TRMT11: variants seen among roughly 807,000 people sequenced by gnomAD.
TRMT11 encodes tRNA (guanine(10)-N(2))-methyltransferase TRMT11.
TRMT11 carries 53 observed loss-of-function variants against 62.8 expected under a neutral mutation model. The observed-to-expected ratio is 0.84, with a 90% CI of 0.68 to 1.06. TRMT11 has a LOEUF of 1.06. Among genes scored for constraint, TRMT11 ranks in the 50% least tolerant of loss-of-function variants. TRMT11 has a pLI of 0.00. For synonymous variants in TRMT11, 188 were observed against 190.3 expected, an observed-to-expected ratio of 0.99 and a Z score of 0.10; for missense variants, 556 against 553.4, an observed-to-expected ratio of 1.00 and a Z score of -0.05.
chr6:126,013,182 C>A, intron 11 of TRMT11, 81 bp downstream of exon 11: 1 of 1,298,170 alleles, frequency 7.7e-7, no homozygotes, highest in Non-Finnish European at 1.1e-6. Context: ...TTTATCTCTT[C>A]TTGCATTTGG....
chr6:126,025,122 T>C (rs1257625650), intron 12 of TRMT11, among the ~76,000 whole-genome samples: 3 of 152,216 alleles, frequency 2.0e-5, no homozygotes, highest in African/African-American at 7.2e-5. Flanking sequence ...TGGAGCCATA[T>C]AATAAATCAG....
chr6:126,103,671 C>A (rs966024285), intron 17 of TRMT11, among the ~76,000 whole-genome samples: 1 of 152,220 alleles, frequency 6.6e-6, no homozygotes, highest in Non-Finnish European at 1.5e-5. Flanking sequence ...CCTTTCTCAG[C>A]AATTATTGGC....
At chr6:126,217,262 A>T in the TRMT11 span, among the ~76,000 whole-genome samples, 2 of 152,158 alleles carry the variant, frequency 1.3e-5, no homozygotes, top group African/African-American at 2.4e-5. Context: ...TGGTGAGGTC[A>T]TGTTTTTCTG....
chr6:126,116,077 T>C (rs1159311803), intron 21 of TRMT11, among the ~76,000 whole-genome samples: 1 of 151,506 alleles, frequency 6.6e-6, no homozygotes, highest in Non-Finnish European at 1.5e-5. Context: ...ACTAAATTGC[T>C]ATATGGAAAC....
intron 21 of TRMT11, among the ~76,000 whole-genome samples, chr6:126,145,833 C>A (rs927230096): frequency 4.6e-5 from 7 of 152,016 alleles, no homozygotes; most frequent in African/African-American, 1.7e-4. Flanking sequence ...GTTTAAGCTC[C>A]TTTTTTATGT....
At chr6:125,998,718 G>A (rs1562243182) in intron 6 of TRMT11, 34 bp downstream of exon 6, 1 of 1,599,168 alleles carries the variant, frequency 6.3e-7, no homozygotes, top group Admixed American at 1.8e-5. Context: ...ATGTCAGTTT[G>A]TTTTTTTGAA....
At chr6:126,047,763 C>T (rs971786245) in intron 16 of TRMT11, among the ~76,000 whole-genome samples, 2 of 152,222 alleles carry the variant, frequency 1.3e-5, no homozygotes, top group African/African-American at 4.8e-5. Context: ...GCATGCTCCC[C>T]TTCCCGTAAG....
the TRMT11 span, among the ~76,000 whole-genome samples, chr6:126,247,944 T>G: frequency 2.0e-5 from 3 of 152,080 alleles, no homozygotes; most frequent in African/African-American, 7.2e-5. Context: ...AGACCACAGC[T>G]ATACAGAGGC....
chr6:126,209,314 T>C, the TRMT11 span, among the ~76,000 whole-genome samples: 13 of 152,160 alleles, frequency 8.5e-5, no homozygotes, highest in Non-Finnish European at 1.8e-4. Context: ...TTTCTAACTT[T>C]TATTATATTT....
the TRMT11 span, among the ~76,000 whole-genome samples, chr6:126,241,911 A>G: frequency 1.3e-5 from 2 of 152,216 alleles, no homozygotes; most frequent in South Asian, 4.1e-4. Flanking sequence ...CCTATTCAAT[A>G]TAGTGTTGGA....
the TRMT11 span, among the ~76,000 whole-genome samples, chr6:126,222,401 G>A: frequency 1.3e-5 from 2 of 151,760 alleles, no homozygotes; most frequent in Admixed American, 6.6e-5. Context: ...AGATTGCTTT[G>A]GGAAGTATGG....
chr6:126,044,604 A>C (rs1197409621), intron 16 of TRMT11, among the ~76,000 whole-genome samples: 1 of 152,064 alleles, frequency 6.6e-6, no homozygotes, highest in Non-Finnish European at 1.5e-5. Flanking sequence ...TGTGTTTTTG[A>C]GGATATTTGT....
intron 17 of TRMT11, among the ~76,000 whole-genome samples, chr6:126,066,055 G>A (rs1464269187): frequency 1.3e-5 from 2 of 152,220 alleles, no homozygotes; most frequent in African/African-American, 4.8e-5. Flanking sequence ...AGGCACTAGG[G>A]TTCAGACCCT....
chr6:126,073,792 T>C (rs980780222), intron 17 of TRMT11, among the ~76,000 whole-genome samples: 10 of 152,166 alleles, frequency 6.6e-5, no homozygotes, highest in Non-Finnish European at 4.4e-5. Flanking sequence ...AATAAAGACA[T>C]ACCCAAGACT....
At chr6:126,094,525 G>T (rs1777318587) in intron 17 of TRMT11, among the ~76,000 whole-genome samples, 1 of 152,146 alleles carries the variant, frequency 6.6e-6, no homozygotes, top group African/African-American at 2.4e-5. Flanking sequence ...CCTTTGGCTT[G>T]TTTCGTCAGA....
chr6:126,166,363 G>GT lies in TRMT11; in HGVS notation c.*1824-8454dup, dbSNP rs753358387. The stretch of plus-strand genomic sequence containing the variant: ...GCTGATGTTGATGCTATTCCTTTCT[G>GT]TTTTTTTTCCTTCTAATAGTCAGGG... On this transcript the variant is annotated intron_variant and NMD_transcript_variant, in intron 21 of 22. Transcript: ENST00000648977. Among the ~76,000 whole-genome samples the GT allele has an allele frequency of 6.6e-4, 101 of 151,974 alleles. 1 individual carries two copies. Among genetic ancestry groups the GT allele is most frequent in the South Asian group, 1.7e-3 (8 of 4,800 alleles).
At chr6:126,005,053 G>T (rs540879325) in intron 7 of TRMT11, among the ~76,000 whole-genome samples, 1 of 152,110 alleles carries the variant, frequency 6.6e-6, no homozygotes, top group African/African-American at 2.4e-5. Flanking sequence ...TCTCTTAGTT[G>T]TTAGGAAGTG....
rs557732534 is a variant in TRMT11, at chr6:126,143,599, C to T, written c.*1823+27744C>T. On this transcript the variant is annotated intron_variant and NMD_transcript_variant, in intron 21 of 22. Coordinates refer to the TRMT11 transcript ENST00000648977. The stretch of plus-strand genomic sequence containing the variant: ...TTTAGACTTTTTCTGAACAATAGAA[C>T]TAATTTACCAACACGGAAGAAACAT... Among the ~76,000 whole-genome samples, 22 of 152,162 alleles carry T rather than the reference C, an allele frequency of 1.4e-4. 1 individual carries two copies. In the South Asian group the frequency reaches 4.4e-3, roughly 30 times the overall value.
chr6:126,247,587 T>C, the TRMT11 span, among the ~76,000 whole-genome samples: 4 of 147,102 alleles, frequency 2.7e-5, no homozygotes, highest in Non-Finnish European at 4.5e-5. Context: ...TAATAGTCAT[T>C]ATAAAAAAGA....
Sources: allele counts gnomAD v4.1 joint callset (sites outside exome capture counted in the v4.1 genomes callset), GRCh38; gene constraint gnomAD v4.1.1; transcripts MANE v1.5; gene names NCBI Gene and HGNC (gene_info 2026-07-23, HGNC 2026-07-21).